The following AHI1 variants were observed in gnomAD, a reference collection of about 807,000 sequenced individuals.
AHI1 encodes the protein Abelson helper integration site 1.
Under a neutral mutation model 149.3 loss-of-function variants are expected in AHI1, and 123 were observed. The ratio of observed to expected loss-of-function variants is 0.82; its 90% CI spans 0.71 to 0.96. The LOEUF (loss-of-function observed/expected upper bound fraction) is 0.96. Among genes scored for constraint, AHI1 ranks in the 40% least tolerant of loss-of-function variants. The pLI is 0.00. For synonymous variants in AHI1, 475 were observed against 459.8 expected (o/e 1.03, Z -0.42); for missense variants, 1,439 against 1,422.7 (o/e 1.01, Z -0.18).
At chr6:135,434,005 T>C (rs1785025707) in intron 15 of AHI1, among the ~76,000 whole-genome samples, 1 of 152,028 alleles carries the variant, frequency 6.6e-6, no homozygotes, top group Admixed American at 6.5e-5. Context: ...TCTAACAATG[T>C]ATAAAACTAG....
Position 135,411,344 on chromosome 6 carries a change from T to C in AHI1, c.2961+4A>G, listed in dbSNP as rs375841340. ...AAAGTTTCAACTGCATAAAATAAACTTACTGTGACAGTTTCAAGCCTCTGT... is the reference window on the plus strand; with the variant it reads ...AAAGTTTCAACTGCATAAAATAAACCTACTGTGACAGTTTCAAGCCTCTGT... On this transcript the variant is annotated splice_donor_region_variant and intron_variant, in intron 21 of 28. Transcript: ENST00000265602. The C allele has an allele frequency of 3.7e-6, 6 of 1,601,258 alleles. No homozygotes were observed. In the South Asian group the frequency reaches 6.6e-5, roughly 18 times the overall value.
chr6:135,482,894 C>CTTTTTGTTTTTTTTTTTTTTTTTTT (rs1793904222), intron 5 of AHI1, among the ~76,000 whole-genome samples: 1 of 55,734 alleles, frequency 1.8e-5, no homozygotes, highest in Non-Finnish European at 2.8e-5. Context: ...CCATTTAAGG[C>CTTTTTGTTTTTTTTTTTTTTTTTTT]TTTTTTTTTT....
chr6:135,391,801 C>T (rs958296445), intron 23 of AHI1, among the ~76,000 whole-genome samples: 1 of 152,188 alleles, frequency 6.6e-6, no homozygotes, highest in Non-Finnish European at 1.5e-5. Flanking sequence ...ACAGGGACTA[C>T]TGCAATGGGA....
rs772303993 is a variant in AHI1, at chr6:135,285,410, T to C, written c.*235A>G. ...CAATTACTAACAATATAAGTACCAA[T>C]ACTTTGACCAACAATAGTCACAATG... On this transcript the variant is annotated 3_prime_UTR_variant, in exon 29 of 29. Coordinates refer to ENST00000265602, the MANE Select transcript of AHI1 (RefSeq NM_001134831.2). 4 of 581,802 alleles carry C rather than the reference T, an allele frequency of 6.9e-6. No homozygotes were observed. The highest frequency in any genetic ancestry group is 5.6e-5 in the East Asian group (2 of 35,484). 36.0% of individuals were successfully genotyped at this position (581,802 alleles called of 1,614,324 possible).
intron 26 of AHI1, among the ~76,000 whole-genome samples, chr6:135,311,477 A>G (rs1371357128): frequency 6.6e-6 from 1 of 152,158 alleles, no homozygotes; most frequent in Non-Finnish European, 1.5e-5. Flanking sequence ...TATTAGCAGG[A>G]CAGAAGACTA....
intron 15 of AHI1, among the ~76,000 whole-genome samples, chr6:135,434,010 A>AACTAGGT: frequency 6.6e-6 from 1 of 152,188 alleles, no homozygotes; most frequent in South Asian, 2.1e-4. Context: ...CAATGTATAA[A>AACTAGGT]ACTAGGTGAA....
chr6:135,284,708 T>A lies in AHI1; in HGVS notation c.*937A>T, dbSNP rs187801413. ...AAGCCTTTTTTAAAAAGTAAAGACA[T>A]TGGGAACATTGTTGCCAGTCCAGCC... On this transcript the variant is annotated 3_prime_UTR_variant, in exon 29 of 29. Transcript: ENST00000265602. The A allele has an allele frequency of 6.6e-6, 1 of 152,078 alleles. No homozygotes were observed. Among genetic ancestry groups the A allele is most frequent in the Non-Finnish European group, 1.5e-5 (1 of 68,000 alleles). 9.4% of individuals were successfully genotyped at this position (152,078 alleles called of 1,614,324 possible). A position where few individuals can be genotyped will look rare whatever the true frequency, so the allele number is the denominator to read the frequency against.
chr6:135,293,533 T>C lies in AHI1; in HGVS notation c.3486-3008A>G, dbSNP rs369625665. Among the ~76,000 whole-genome samples, 5 of 150,884 alleles carry C rather than the reference T, an allele frequency of 3.3e-5. 1 individual carries two copies. In the East Asian group the frequency reaches 5.8e-4, roughly 17 times the overall value. On this transcript the variant is annotated intron_variant, in intron 27 of 28. Transcript: ENST00000265602. ...ATATCTCGTGGAATCCACTAAAAGC[T>C]ATTACAACTAACAAGTGAGTTTAGT...
chr6:135,399,816 C>A (rs937609668), intron 22 of AHI1, among the ~76,000 whole-genome samples: 2 of 151,342 alleles, frequency 1.3e-5, no homozygotes, highest in African/African-American at 2.4e-5. Context: ...AGATTGCTCA[C>A]CACGCTCCAC....
At chr6:135,317,595 G>A (rs1786161916) in intron 26 of AHI1, among the ~76,000 whole-genome samples, 1 of 151,936 alleles carries the variant, frequency 6.6e-6, no homozygotes, top group African/African-American at 2.4e-5. Context: ...TTCTACCAGA[G>A]TCTACTGGAC....
At chr6:135,348,676 C>T (rs1298205319) in intron 24 of AHI1, among the ~76,000 whole-genome samples, 1 of 152,044 alleles carries the variant, frequency 6.6e-6, no homozygotes, top group Non-Finnish European at 1.5e-5. Flanking sequence ...TTATAAAACT[C>T]GTTAATGCTA....
chr6:135,415,750 C>T (rs1782278493), intron 20 of AHI1, among the ~76,000 whole-genome samples: 1 of 152,164 alleles, frequency 6.6e-6, no homozygotes, highest in South Asian at 2.1e-4. Context: ...AACCTGGTTA[C>T]AACCCCAATG....
intron 27 of AHI1, among the ~76,000 whole-genome samples, chr6:135,298,451 G>A (rs974875260): frequency 1.1e-4 from 17 of 151,814 alleles, no homozygotes; most frequent in African/African-American, 4.1e-4. Flanking sequence ...CAAACTCAAA[G>A]GCAGGGCTGC....
At chr6:135,298,458 C>T (rs1312570449) in intron 27 of AHI1, among the ~76,000 whole-genome samples, 3 of 152,072 alleles carry the variant, frequency 2.0e-5, no homozygotes, top group Non-Finnish European at 4.4e-5. Context: ...AAAGGCAGGG[C>T]TGCAAAGAAA....
At chr6:135,378,370 C>T (rs1776246487) in intron 23 of AHI1, among the ~76,000 whole-genome samples, 3 of 152,210 alleles carry the variant, frequency 2.0e-5, no homozygotes, top group South Asian at 4.1e-4. Context: ...AACCAATAAT[C>T]AAATACCAAC....
intron 23 of AHI1, among the ~76,000 whole-genome samples, chr6:135,362,035 T>A (rs1483083326): frequency 6.6e-6 from 1 of 152,128 alleles, no homozygotes; most frequent in Non-Finnish European, 1.5e-5. Context: ...AATAAGAGTC[T>A]CCAATTCTAT....
chr6:135,409,113 T>G (rs1781215089), intron 21 of AHI1, among the ~76,000 whole-genome samples: 1 of 152,172 alleles, frequency 6.6e-6, no homozygotes, highest in Non-Finnish European at 1.5e-5. Context: ...CTCATTTCTT[T>G]GTTAAAGATT....
At chr6:135,377,937 A>G (rs1686968789) in intron 23 of AHI1, among the ~76,000 whole-genome samples, 1 of 152,208 alleles carries the variant, frequency 6.6e-6, no homozygotes, top group Non-Finnish European at 1.5e-5. Context: ...TATATTCTAC[A>G]TGTTGACTGC....
chr6:135,448,196 A>C, intron 12 of AHI1, 94 bp downstream of exon 12: 1 of 792,332 alleles, frequency 1.3e-6, no homozygotes, highest in Non-Finnish European at 1.8e-6. Flanking sequence ...AATTATTATT[A>C]GAGGCCTTAT....
Sources: gnomAD v4.1 joint callset for allele counts (sites outside exome capture counted in the v4.1 genomes callset) on GRCh38, gnomAD v4.1.1 for gene constraint, MANE v1.5 for transcripts, NCBI Gene and HGNC (gene_info 2026-07-23, HGNC 2026-07-21) for gene names.